Variants in RNF24 observed in about 807,000 individuals in gnomAD.
RNF24 encodes the protein ring finger protein 24.
RNF24 carries 14 observed loss-of-function variants against 20.0 expected under a neutral mutation model. That is an observed-to-expected ratio of 0.70 (90% CI 0.46 to 1.10). The LOEUF (loss-of-function observed/expected upper bound fraction) is 1.10. Ranked by LOEUF, RNF24 falls within the 50% of genes least tolerant of loss-of-function variation. RNF24 has a pLI of 0.00. For synonymous variants in RNF24, 45 were observed against 61.1 expected (o/e 0.74, Z 1.23); for missense variants, 124 against 177.6 (o/e 0.70, Z 1.71).
chr20:3,964,270 T>G (rs1324891198), intron 1 of RNF24, among the ~76,000 whole-genome samples: 1 of 152,128 alleles, frequency 6.6e-6, no homozygotes. Context: ...ATTTATTCAC[T>G]AAAAGGCATT....
At chr20:3,976,240 A>G (rs1978856005) in intron 1 of RNF24, among the ~76,000 whole-genome samples, 1 of 152,256 alleles carries the variant, frequency 6.6e-6, no homozygotes, top group African/African-American at 2.4e-5. Flanking sequence ...CACCAAAGGG[A>G]ATATACAGAT....
At chr20:3,986,074 T>C (rs890454417) in intron 1 of RNF24, among the ~76,000 whole-genome samples, 2 of 152,044 alleles carry the variant, frequency 1.3e-5, no homozygotes, top group Non-Finnish European at 2.9e-5. Flanking sequence ...TTTTATGTAA[T>C]GATGAAATCT....
intron 1 of RNF24, among the ~76,000 whole-genome samples, chr20:4,007,060 C>T (rs939187154): frequency 2.0e-5 from 3 of 152,306 alleles, no homozygotes; most frequent in African/African-American, 7.2e-5. Context: ...CCACTACCTA[C>T]CTAGGTAAGA....
chr20:3,971,247 C>T (rs1978337554), intron 1 of RNF24, among the ~76,000 whole-genome samples: 2 of 152,090 alleles, frequency 1.3e-5, no homozygotes, highest in African/African-American at 4.8e-5. Flanking sequence ...AAAGAGCCAT[C>T]AACCCAAAAT....
At chr20:4,013,053 TA>T (rs1225713717) in intron 1 of RNF24, among the ~76,000 whole-genome samples, 2 of 152,210 alleles carry the variant, frequency 1.3e-5, no homozygotes, top group African/African-American at 4.8e-5. Flanking sequence ...AGCCTTGTTT[TA>T]AATTAACTTA....
chr20:3,940,210 G>T (rs2090938964), intron 4 of RNF24, among the ~76,000 whole-genome samples: 1 of 151,992 alleles, frequency 6.6e-6, no homozygotes, highest in Admixed American at 6.6e-5. Context: ...CTTCCACCTT[G>T]GTCTCCCAAA....
At chr20:3,956,568 AT>A (rs2091144772) in intron 2 of RNF24, among the ~76,000 whole-genome samples, 1 of 151,796 alleles carries the variant, frequency 6.6e-6, no homozygotes, top group Non-Finnish European at 1.5e-5. Context: ...GGTCTCAATA[AT>A]TTTTACTATT....
At chr20:4,004,310 C>T (rs1416088853) in intron 1 of RNF24, among the ~76,000 whole-genome samples, 1 of 152,146 alleles carries the variant, frequency 6.6e-6, no homozygotes, top group Non-Finnish European at 1.5e-5. Context: ...TATTTTTCCA[C>T]ACTTTGTATC....
At chr20:3,996,211 C>T (rs1290178668) in intron 1 of RNF24, among the ~76,000 whole-genome samples, 1 of 152,190 alleles carries the variant, frequency 6.6e-6, no homozygotes, top group Non-Finnish European at 1.5e-5. Flanking sequence ...AAAATTTACA[C>T]TTAACCAAAC....
chr20:4,013,917 T>G (rs1317880968), intron 1 of RNF24, among the ~76,000 whole-genome samples: 1 of 152,242 alleles, frequency 6.6e-6, no homozygotes, highest in East Asian at 1.9e-4. Flanking sequence ...CTTGCAAAAT[T>G]CATATCATTT....
At chr20:3,942,164 C>G (rs1429998556) in intron 4 of RNF24, among the ~76,000 whole-genome samples, 2 of 143,428 alleles carry the variant, frequency 1.4e-5, no homozygotes, top group African/African-American at 5.5e-5. Context: ...ATATTAATAT[C>G]AGAAAAATAT....
At chr20:3,970,962 A>G (rs1978326758) in intron 1 of RNF24, among the ~76,000 whole-genome samples, 1 of 152,178 alleles carries the variant, frequency 6.6e-6, no homozygotes. Context: ...ATCTGTACAT[A>G]AGTGTACAGA....
chr20:3,989,565 A>G (rs6052218), intron 1 of RNF24, among the ~76,000 whole-genome samples: 20,293 of 152,126 alleles, frequency 0.13, 1,522 homozygotes, highest in Non-Finnish European at 0.17. Context: ...CAGAATAGAA[A>G]TACGACAGTT....
chr20:4,007,749 A>AAG (rs1312186807), intron 1 of RNF24, among the ~76,000 whole-genome samples: 2 of 150,616 alleles, frequency 1.3e-5, no homozygotes, highest in African/African-American at 2.4e-5. Context: ...AAAAAAAAAA[A>AAG]AAAAAAAAGA....
At chr20:4,010,674 T>C (rs1360618304) in intron 1 of RNF24, among the ~76,000 whole-genome samples, 1 of 152,250 alleles carries the variant, frequency 6.6e-6, no homozygotes, top group Non-Finnish European at 1.5e-5. Context: ...ATTGATATTT[T>C]CATTGTTGAT....
At chr20:3,946,976 A>G (rs2091026592) in intron 3 of RNF24, among the ~76,000 whole-genome samples, 1 of 152,102 alleles carries the variant, frequency 6.6e-6, no homozygotes, top group Non-Finnish European at 1.5e-5. Flanking sequence ...GTGGATCACG[A>G]GGTCAAGAGA....
At position 3,949,666 on chromosome 20, in the gene RNF24, G is replaced by T. The variant is rs548202279; in HGVS notation, c.144-1387C>A. Among the ~76,000 whole-genome samples the T allele has an allele frequency of 9.9e-5, 15 of 152,142 alleles. 1 individual carries two copies. In the South Asian group the frequency reaches 3.1e-3, roughly 32 times the overall value. On this transcript the variant is annotated intron_variant, in intron 2 of 5. Coordinates refer to ENST00000358395, the MANE Select transcript of RNF24 (RefSeq NM_001134337.3). ...GCCACTGTACTCCAGCCTGGGTGAC[G>T]GAGTGAGATCCTGTCATAAAAAAAA...
intron 2 of RNF24, among the ~76,000 whole-genome samples, chr20:3,962,264 G>A (rs1257342307): frequency 6.6e-6 from 1 of 152,120 alleles, no homozygotes; most frequent in Non-Finnish European, 1.5e-5. Flanking sequence ...GCTGAGGTGG[G>A]AGGATCACTT....
At position 3,934,570 on chromosome 20, in the gene RNF24, A is replaced by G. The variant is rs978426936; in HGVS notation, c.309-369T>C. The stretch of plus-strand genomic sequence containing the variant: ...TAACAGAAATACAAAACAAAAAATT[A>G]TAAGAGGAAGAATATTAATATGTCT... On this transcript the variant is annotated intron_variant, in intron 5 of 5. Transcript: ENST00000358395. This position sits in a 1 kb window ranked among gnomAD's most constrained non-coding sequence, Gnocchi z 4.0. 3.3e-5 allele frequency among the ~76,000 whole-genome samples: 5 copies of G among 152,250 alleles called. No individual in the cohort carries two copies. The highest frequency in any genetic ancestry group is 5.9e-5 in the Non-Finnish European group (4 of 68,036).
Sources: allele counts gnomAD v4.1 joint callset (sites outside exome capture counted in the v4.1 genomes callset), GRCh38; gene constraint gnomAD v4.1.1; non-coding constraint Gnocchi (gnomAD v3.1); transcripts MANE v1.5; gene names NCBI Gene and HGNC (gene_info 2026-07-23, HGNC 2026-07-21).